PTPRD: variants seen among roughly 807,000 people sequenced by gnomAD.
PTPRD encodes the protein protein tyrosine phosphatase receptor type D.
A neutral mutation model predicts 214.5 loss-of-function variants in PTPRD; 34 were observed. That is an observed-to-expected ratio of 0.16 (90% CI 0.12 to 0.21). PTPRD has a LOEUF of 0.21. Among genes scored for constraint, PTPRD ranks in the 10% least tolerant of loss-of-function variants. The pLI is 1.00. For missense variants in PTPRD, 2,545 were observed against 2,398.7 expected (o/e 1.06, Z -1.27); for synonymous variants, 1,128 against 845.7 (o/e 1.33, Z -5.79).
intron 9 of PTPRD, among the ~76,000 whole-genome samples, chr9:9,386,240 C>T (rs1214399595): frequency 1.3e-5 from 2 of 152,060 alleles, no homozygotes; most frequent in Non-Finnish European, 2.9e-5. Context: ...TATGTGAGCC[C>T]CTGGCAGGCA....
intron 5 of PTPRD, among the ~76,000 whole-genome samples, chr9:9,868,637 G>A (rs866288745): frequency 2.0e-5 from 3 of 151,678 alleles, no homozygotes; most frequent in Non-Finnish European, 4.4e-5. Context: ...ATACCCTAAC[G>A]TGCAGTGTAA....
intron 5 of PTPRD, chr9:9,799,317 G>T (rs2099023656): frequency 6.6e-6 from 1 of 152,242 alleles, no homozygotes; most frequent in East Asian, 1.9e-4. Context: ...CTCTTTAAAT[G>T]AGTTAATCAA....
At chr9:9,308,550 C>T (rs1286812799) in intron 9 of PTPRD, among the ~76,000 whole-genome samples, 1 of 152,156 alleles carries the variant, frequency 6.6e-6, no homozygotes, top group African/African-American at 2.4e-5. Context: ...TCTTCATCTG[C>T]TCTCATCTGG....
intron 4 of PTPRD, among the ~76,000 whole-genome samples, chr9:10,012,132 T>C (rs2096613287): frequency 6.6e-6 from 1 of 151,984 alleles, no homozygotes. Flanking sequence ...TATTTAATTA[T>C]TGAAAGTTGT....
intron 3 of PTPRD, among the ~76,000 whole-genome samples, chr9:10,185,109 G>A (rs1002500160): frequency 6.6e-6 from 1 of 152,056 alleles, no homozygotes; most frequent in African/African-American, 2.4e-5. Context: ...CAGCTCTTTT[G>A]TAACACTATT....
At chr9:9,588,736 T>G (rs913051184) in intron 7 of PTPRD, among the ~76,000 whole-genome samples, 1 of 151,910 alleles carries the variant, frequency 6.6e-6, no homozygotes, top group Non-Finnish European at 1.5e-5. Flanking sequence ...AAAAGACAAA[T>G]GAAATGTTAC....
chr9:10,056,821 T>C (rs2097659811), intron 3 of PTPRD, among the ~76,000 whole-genome samples: 3 of 152,160 alleles, frequency 2.0e-5, no homozygotes, highest in Admixed American at 2.0e-4. Context: ...GTATTAACTC[T>C]TACAGGTCAC....
chr9:10,267,714 A>G (rs1331118938), intron 3 of PTPRD, among the ~76,000 whole-genome samples: 6 of 152,192 alleles, frequency 3.9e-5, no homozygotes, highest in Non-Finnish European at 7.4e-5. Context: ...AATAGTAAAT[A>G]TAAATGTTAT....
chr9:8,502,609 T>C (rs2097434688), intron 23 of PTPRD, among the ~76,000 whole-genome samples: 1 of 152,088 alleles, frequency 6.6e-6, no homozygotes, highest in Non-Finnish European at 1.5e-5. Flanking sequence ...TCTCAAATTA[T>C]AAAACTATTT....
intron 39 of PTPRD, among the ~76,000 whole-genome samples, chr9:8,352,168 C>T (rs1399108539): frequency 6.6e-6 from 1 of 151,480 alleles, no homozygotes; most frequent in South Asian, 2.1e-4. Flanking sequence ...ATATTATCTG[C>T]TGAACACACT....
intron 12 of PTPRD, among the ~76,000 whole-genome samples, chr9:8,675,717 A>C (rs2097396827): frequency 6.6e-6 from 1 of 152,026 alleles, no homozygotes; most frequent in South Asian, 2.1e-4. Context: ...TCAACATCTT[A>C]GACAGATCTT....
At chr9:10,078,139 TA>T (rs752038508) in intron 3 of PTPRD, among the ~76,000 whole-genome samples, 12 of 151,978 alleles carry the variant, frequency 7.9e-5, no homozygotes, top group Admixed American at 6.6e-5. Context: ...AAAAAATCTT[TA>T]AACATACATA....
intron 8 of PTPRD, among the ~76,000 whole-genome samples, chr9:9,417,542 C>T (rs2077356074): frequency 6.6e-6 from 1 of 152,002 alleles, no homozygotes; most frequent in South Asian, 2.1e-4. Flanking sequence ...TTCATTCTTT[C>T]TAATTAGCCA....
intron 4 of PTPRD, among the ~76,000 whole-genome samples, chr9:9,998,755 T>G (rs974534645): frequency 9.2e-5 from 14 of 152,186 alleles, no homozygotes; most frequent in African/African-American, 2.9e-4. Flanking sequence ...CTCAATTAGC[T>G]GAGCTAATAG....
chr9:8,372,853 C>T (rs1024959955), intron 39 of PTPRD, among the ~76,000 whole-genome samples: 1 of 151,962 alleles, frequency 6.6e-6, no homozygotes, highest in African/African-American at 2.4e-5. Flanking sequence ...TTCTGTACTG[C>T]ACCGCCAGCC....
chr9:9,638,082 T>C (rs1223821340), intron 7 of PTPRD, among the ~76,000 whole-genome samples: 1 of 152,214 alleles, frequency 6.6e-6, no homozygotes, highest in Non-Finnish European at 1.5e-5. Context: ...ATTGTCTTGA[T>C]AAATAATATC....
chr9:9,708,567 A>G (rs573907881), intron 7 of PTPRD, among the ~76,000 whole-genome samples: 1 of 152,166 alleles, frequency 6.6e-6, no homozygotes, highest in Admixed American at 6.5e-5. Flanking sequence ...TTTTACTAAC[A>G]TAACTCTCAG....
intron 2 of PTPRD, among the ~76,000 whole-genome samples, chr9:10,507,163 A>T (rs145966031): frequency 0.018 from 2,718 of 152,306 alleles, 40 homozygotes; most frequent in African/African-American, 0.039. Flanking sequence ...ACAGACAAAC[A>T]GAGAGCCAGA....
intron 2 of PTPRD, among the ~76,000 whole-genome samples, chr9:10,527,834 T>C (rs2054780094): frequency 6.6e-6 from 1 of 152,158 alleles, no homozygotes; most frequent in Non-Finnish European, 1.5e-5. Flanking sequence ...TTCTGCCTAG[T>C]TCAAGATAAT....
Sources: allele counts gnomAD v4.1 joint callset (sites outside exome capture counted in the v4.1 genomes callset), GRCh38; gene constraint gnomAD v4.1.1; transcripts MANE v1.5; gene names NCBI Gene and HGNC (gene_info 2026-07-23, HGNC 2026-07-21).